NEXMIF: variants seen among roughly 807,000 people sequenced by gnomAD.
NEXMIF encodes the protein XLMR protein related to neurite extension.
Under a neutral mutation model 62.1 loss-of-function variants are expected in NEXMIF, and 8 were observed. That is an observed-to-expected ratio of 0.13 (90% confidence interval 0.08 to 0.23). NEXMIF has a LOEUF of 0.23. NEXMIF is among the 10% of genes least tolerant of loss of function. The probability of loss-of-function intolerance (pLI) is 1.00; values close to 1 mark genes in which losing one functional copy is unlikely to be tolerated. For synonymous variants in NEXMIF, 404 were observed against 416.6 expected, an observed-to-expected ratio of 0.97 and a Z score of 0.37; for missense variants, 976 against 1,113.3, an observed-to-expected ratio of 0.88 and a Z score of 1.75.
chrX:74,903,407 A>C (rs1461029773), intron 1 of NEXMIF, among the ~76,000 whole-genome samples: 1 of 104,772 alleles, frequency 9.5e-6, no homozygotes, highest in Admixed American at 1.1e-4. Flanking sequence ...AGTTTGGGTC[A>C]TAGATACAGC....
intron 1 of NEXMIF, among the ~76,000 whole-genome samples, chrX:74,828,108 G>C (rs1224457958): frequency 1.8e-5 from 2 of 111,787 alleles, no homozygotes; most frequent in African/African-American, 6.5e-5. Context: ...GCATCTTTCA[G>C]CATGGAGTAG....
Position 74,745,645 on chromosome X carries a change from A to G in NEXMIF, c.6T>C (p.Asp2=), listed in dbSNP as rs1488185818. Reference sequence around the variant, plus strand: ...CAACAATAGCCTTATCTTGTTGGTTATCCATGAATATAACCTCTTATTGTT... The same window carrying G: ...CAACAATAGCCTTATCTTGTTGGTTGTCCATGAATATAACCTCTTATTGTT... The part of the protein sequence containing the change: M[D]NQQDKAIVAS... Residue 2 remains aspartate, a synonymous_variant, in exon 2 of 4, where the codon GAT becomes GAC. Transcript: ENST00000055682. The G allele has an allele frequency of 4.3e-6, 5 of 1,158,061 alleles. No individual in the cohort carries two copies. In the East Asian group the frequency reaches 1.5e-4, roughly 34 times the overall value.
chrX:74,834,929 A>T (rs187843744), intron 1 of NEXMIF, among the ~76,000 whole-genome samples: 1 of 111,808 alleles, frequency 8.9e-6, no homozygotes, highest in Non-Finnish European at 1.9e-5. Flanking sequence ...TCTAAATGCA[A>T]TAGCTCTTAG....
intron 1 of NEXMIF, among the ~76,000 whole-genome samples, chrX:74,834,110 G>C (rs2080448013): frequency 9.9e-6 from 1 of 100,806 alleles, no homozygotes; most frequent in Non-Finnish European, 2.0e-5. Context: ...CTCCAGCCTG[G>C]GCAACAAGAG....
intron 1 of NEXMIF, among the ~76,000 whole-genome samples, chrX:74,747,375 A>AC (rs1328253344): frequency 9.0e-6 from 1 of 111,035 alleles, no homozygotes; most frequent in Admixed American, 9.6e-5. Flanking sequence ...TATGAAAAAA[A>AC]CCCCCCAAGT....
Position 74,740,758 on chromosome X carries a change from G to C in NEXMIF, c.3799C>G (p.Pro1267Ala). The change falls in exon 3 of 4, where the codon CCT (proline) becomes GCT (alanine). Residue 1267 changes from proline to alanine, a missense_variant. By Grantham distance (27) the Pro-to-Ala change is conservative. Transcript: ENST00000055682. ...TLAECIQHGG[P>A]MASMKMPSQK... ...CTTGGCATCTTCATAGAGGCCATAG[G>C]GCCACCATGTTGGATACATTCAGCC... is the stretch of plus-strand genomic sequence containing the variant. The C allele has an allele frequency of 8.3e-7, 1 of 1,211,819 alleles. No individual in the cohort carries two copies. Among genetic ancestry groups the C allele is most frequent in the Non-Finnish European group, 1.1e-6 (1 of 895,404 alleles).
At chrX:74,814,928 C>CG (rs1444760739) in intron 1 of NEXMIF, among the ~76,000 whole-genome samples, 10 of 111,735 alleles carry the variant, frequency 8.9e-5, no homozygotes, top group Non-Finnish European at 1.7e-4. Context: ...ACAGACCCCC[C>CG]AGAGGGCACA....
chrX:74,758,311 C>T (rs1190181447), intron 1 of NEXMIF, among the ~76,000 whole-genome samples: 1 of 111,267 alleles, frequency 9.0e-6, no homozygotes, highest in Non-Finnish European at 1.9e-5. Context: ...ATGGCAGGAA[C>T]AGAATGAATA....
intron 1 of NEXMIF, among the ~76,000 whole-genome samples, chrX:74,789,203 C>A (rs911884689): frequency 2.0e-5 from 2 of 100,985 alleles, no homozygotes; most frequent in Non-Finnish European, 4.0e-5. Flanking sequence ...CAATTCCCAC[C>A]TATGAGTGAG....
chrX:74,850,768 C>G (rs2080510284), intron 1 of NEXMIF, among the ~76,000 whole-genome samples: 1 of 110,784 alleles, frequency 9.0e-6, no homozygotes, highest in African/African-American at 3.3e-5. Flanking sequence ...GCAACTGGCA[C>G]ACCAGATGTG....
chrX:74,852,408 C>A (rs1002469101), intron 1 of NEXMIF, among the ~76,000 whole-genome samples: 1 of 111,732 alleles, frequency 8.9e-6, no homozygotes, highest in African/African-American at 3.2e-5. Flanking sequence ...TAAGACAGAT[C>A]ATCTAAACAG....
chrX:74,868,969 A>T (rs2080590419), intron 1 of NEXMIF, among the ~76,000 whole-genome samples: 1 of 110,916 alleles, frequency 9.0e-6, no homozygotes, highest in African/African-American at 3.3e-5. Flanking sequence ...AAATACTTCC[A>T]ATCTCATTGT....
intron 1 of NEXMIF, among the ~76,000 whole-genome samples, chrX:74,861,283 C>A (rs1352762951): frequency 1.8e-5 from 2 of 111,264 alleles, no homozygotes; most frequent in African/African-American, 6.5e-5. Flanking sequence ...GACAGGCAGG[C>A]AAGATTAGAA....
intron 1 of NEXMIF, among the ~76,000 whole-genome samples, chrX:74,908,529 T>C (rs1378745990): frequency 2.7e-5 from 3 of 112,854 alleles, no homozygotes; most frequent in African/African-American, 9.6e-5. Context: ...AGAAGTATCC[T>C]GGCCTTAATG....
chrX:74,875,109 A>C (rs1178517523), intron 1 of NEXMIF, among the ~76,000 whole-genome samples: 1 of 111,748 alleles, frequency 8.9e-6, no homozygotes, highest in Non-Finnish European at 1.9e-5. Flanking sequence ...TTGTCCCTTC[A>C]GTATGATATT....
intron 1 of NEXMIF, among the ~76,000 whole-genome samples, chrX:74,798,025 G>A (rs1452829423): frequency 2.7e-5 from 3 of 112,073 alleles, no homozygotes; most frequent in African/African-American, 9.7e-5. Flanking sequence ...AATTTCTATG[G>A]CCAAGAAATG....
chrX:74,906,849 T>A (rs1005034200), intron 1 of NEXMIF, among the ~76,000 whole-genome samples: 1 of 111,263 alleles, frequency 9.0e-6, no homozygotes, highest in African/African-American at 3.3e-5. Context: ...ATCCTCCAAC[T>A]CCAAAGAAAT....
intron 1 of NEXMIF, among the ~76,000 whole-genome samples, chrX:74,898,504 A>G (rs1442411329): frequency 9.0e-6 from 1 of 111,652 alleles, no homozygotes; most frequent in Non-Finnish European, 1.9e-5. Context: ...AGAACAGAAA[A>G]AGGACATTAG....
At chrX:74,909,739 G>A (rs1395226587) in intron 1 of NEXMIF, among the ~76,000 whole-genome samples, 1 of 111,647 alleles carries the variant, frequency 9.0e-6, no homozygotes, top group African/African-American at 3.3e-5. Context: ...AGGAAAAAAT[G>A]GTTTTGTGGG....
Sources: gnomAD v4.1 joint callset for allele counts (sites outside exome capture counted in the v4.1 genomes callset) on GRCh38, gnomAD v4.1.1 for gene constraint, MANE v1.5 for transcripts, NCBI Gene and HGNC (gene_info 2026-07-23, HGNC 2026-07-21) for gene names.